PLCH2: variants seen among roughly 807,000 people sequenced by gnomAD.
PLCH2 encodes the protein 1-phosphatidylinositol 4,5-bisphosphate phosphodiesterase eta-2.
Under a neutral mutation model 134.7 loss-of-function variants are expected in PLCH2, and 98 were observed. The observed-to-expected ratio is 0.73, with a 90% CI of 0.62 to 0.86. The LOEUF (loss-of-function observed/expected upper bound fraction) is 0.86, where lower values mean the gene tolerates loss of function less well. Among genes scored for constraint, PLCH2 ranks in the 40% least tolerant of loss-of-function variants. PLCH2 has a pLI of 0.00. For synonymous variants in PLCH2, 974 were observed against 827.5 expected (o/e 1.18, Z -3.04); for missense variants, 1,994 against 1,986.6 (o/e 1.00, Z -0.07).
intron 4 of PLCH2, among the ~76,000 whole-genome samples, chr1:2,484,106 C>T (rs114856389): frequency 0.027 from 4,091 of 151,064 alleles, 111 homozygotes; most frequent in African/African-American, 0.056. Flanking sequence ...GAGGTGTTGA[C>T]TCCTGCGTGG....
At chr1:2,467,636 C>T in exon 1 of PLCH2, 1 of 412,800 alleles carries the variant, frequency 2.4e-6, no homozygotes, top group Non-Finnish European at 4.3e-6. Context: ...GAGCCTGGGC[C>T]CCCAGGTGGG....
Position 2,478,601 on chromosome 1 carries a change from C to T in PLCH2, c.250C>T (p.Arg84Cys), listed in dbSNP as rs767901273. The change falls in exon 2 of 22, where the codon CGC (arginine) becomes TGC (cysteine). Residue 84 changes from arginine (R) to cysteine (C), a missense_variant. Physicochemically the swap from Arg to Cys is radical, Grantham distance 180. Around this residue, in one of 2 missense-constraint regions of PLCH2, gnomAD observed 1,094 missense variants for 1,234.3 expected, o/e 0.89. Transcript: ENST00000378486. ...CTCCTGCATCCGCTGGAGGCCCTCA[C>T]GCAAGAACGAGAAGGCCAAGAGTGA... ...HRSCIRWRPS[R>C]KNEKAKISID... is the part of the protein sequence containing the mutation. 13 of 1,610,984 alleles carry T rather than the reference C, an allele frequency of 8.1e-6. No individual in the cohort carries two copies. Among genetic ancestry groups the T allele is most frequent in the South Asian group, 1.1e-5 (1 of 90,680 alleles).
intron 4 of PLCH2, 59 bp from the exon 5 acceptor site, chr1:2,484,389 C>T (rs1558006148): frequency 1.3e-6 from 2 of 1,559,808 alleles, no homozygotes; most frequent in Non-Finnish European, 1.8e-6. Flanking sequence ...CCTGAAGGAC[C>T]CCTGTGCATG....
chr1:2,473,289 C>T (rs746766508), upstream of PLCH2, among the ~76,000 whole-genome samples: 12 of 152,192 alleles, frequency 7.9e-5, no homozygotes, highest in Non-Finnish European at 1.6e-4. Context: ...TCCCAGCAGC[C>T]ACCAGGGCCA....
At chr1:2,462,480 C>G (rs1026057144), upstream of PLCH2, among the ~76,000 whole-genome samples, 1 of 151,576 alleles carries the variant, frequency 6.6e-6, no homozygotes, top group Non-Finnish European at 1.5e-5. Context: ...CCTGACACCC[C>G]CTCTGCCTGA....
chr1:2,424,589 A>G (rs541210218), upstream of PLCH2, among the ~76,000 whole-genome samples: 2 of 152,312 alleles, frequency 1.3e-5, no homozygotes, highest in East Asian at 3.9e-4. Flanking sequence ...GGTGGCTCAC[A>G]GCTATAATCC....
At position 2,478,081 on chromosome 1, in the gene PLCH2, C is replaced by T. The variant is rs552325793; in HGVS notation, c.125-395C>T. Among the ~76,000 whole-genome samples, 86 of 152,368 alleles carry T rather than the reference C, an allele frequency of 5.6e-4. 1 individual carries two copies. Among genetic ancestry groups the T allele is most frequent in the Non-Finnish European group, 1.0e-3 (70 of 68,030 alleles). On this transcript the variant is annotated intron_variant, in intron 1 of 21. Transcript: ENST00000378486. ...CCATTGTTGAGTTCTGTGCTGGCTC[C>T]GTCTGAGTGGTAGCTCTCGGGGCCC...
chr1:2,491,309 T>A lies in PLCH2; in HGVS notation c.1633T>A (p.Ser545Thr), dbSNP rs368445617. The change falls in exon 11 of 22, where the codon TCC becomes ACC. Residue 545 changes from serine (S) to threonine (T), a missense_variant. Physicochemically the swap from Ser to Thr is moderately conservative, Grantham distance 58. Coordinates refer to ENST00000378486, the MANE Select transcript of PLCH2 (RefSeq NM_014638.4). ...DPNNFSVSTL[S>T]PSGKLGRKSK... ...CAACAACTTCTCCGTCTCCACACTG[T>A]CCCCATCTGGAAAGCTCGGACGCAA... The A allele has an allele frequency of 8.3e-5, 134 of 1,612,996 alleles. No homozygotes were observed. The highest frequency in any genetic ancestry group is 1.1e-4 in the Non-Finnish European group (126 of 1,179,834).
chr1:2,486,282 G>A (rs1286727308), intron 5 of PLCH2, among the ~76,000 whole-genome samples: 1 of 152,174 alleles, frequency 6.6e-6, no homozygotes, highest in African/African-American at 2.4e-5. Flanking sequence ...CTGGCCTCCT[G>A]GTTGCTGGGC....
Position 2,459,314 on chromosome 1 carries a change from T to TGGTGGTCCTCCTTGCC in PLCH2, c.116-19149_116-19148insGCCGGTGGTCCTCCTT, listed in dbSNP as rs1640654703. ...CTTCCTTGCCAGTGGTCCTCCTTCCTGGTGGTCCTCCTTCCTGGTGGTCCT... is the reference window on the plus strand; with the variant it reads ...CTTCCTTGCCAGTGGTCCTCCTTCCTGGTGGTCCTCCTTGCCGGTGGTCCTCCTTCCTGGTGGTCCT... On this transcript the variant is annotated intron_variant, in intron 2 of 3. Transcript: ENST00000609981. 2.1e-5 allele frequency among the ~76,000 whole-genome samples: 3 copies of TGGTGGTCCTCCTTGCC among 141,818 alleles called. No homozygotes were observed. The South Asian group carries it at 6.6e-4, about 31-fold the overall frequency. The allele number at this position is 141,818 out of a possible 152,430, so 93.0% of individuals were successfully genotyped here.
At chr1:2,482,391 C>T (rs1238864315) in intron 4 of PLCH2, among the ~76,000 whole-genome samples, 3 of 152,234 alleles carry the variant, frequency 2.0e-5, no homozygotes, top group Non-Finnish European at 4.4e-5. Flanking sequence ...TGCAGTGTGT[C>T]CCCTCATGGC....
chr1:2,502,426 G>A lies in PLCH2; in HGVS notation c.2959+17G>A, dbSNP rs539454703. 767 of 1,543,808 alleles carry A rather than the reference G, an allele frequency of 5.0e-4. 2 individuals carry two copies. Among genetic ancestry groups the A allele is most frequent in the Non-Finnish European group, 5.9e-4 (681 of 1,145,810 alleles). On this transcript the variant is annotated intron_variant, in intron 21 of 21. Transcript: ENST00000378486. ...GCCCCCGAGGTAAGGCGCCAGCTGC[G>A]GTGGCAGAGAAGAGCCCTGTGCGAG...
intron 2 of PLCH2, among the ~76,000 whole-genome samples, chr1:2,435,672 G>A (rs1639295223): frequency 6.6e-6 from 1 of 152,114 alleles, no homozygotes; most frequent in Admixed American, 6.5e-5. Flanking sequence ...GGCCTGTTGT[G>A]ATCTCCAGGA....
the PLCH2 span, among the ~76,000 whole-genome samples, chr1:2,417,567 C>T: frequency 2.0e-5 from 3 of 152,306 alleles, no homozygotes; most frequent in East Asian, 3.9e-4. Context: ...GCTGGAATGG[C>T]GTCCACTCTG....
At chr1:2,459,570 CGG>C (rs1640698351) in intron 2 of PLCH2, among the ~76,000 whole-genome samples, 1 of 114,502 alleles carries the variant, frequency 8.7e-6, no homozygotes, top group African/African-American at 4.0e-5. Context: ...TCCTCCTTGC[CGG>C]TGGTCCTCCT....
At chr1:2,456,072 A>G (rs1640476204) in intron 2 of PLCH2, among the ~76,000 whole-genome samples, 1 of 152,254 alleles carries the variant, frequency 6.6e-6, no homozygotes, top group African/African-American at 2.4e-5. Context: ...TTGTAAGGAA[A>G]CAGCGTCGCC....
At chr1:2,494,639 G>C (rs779504744) in intron 11 of PLCH2, among the ~76,000 whole-genome samples, 1 of 152,154 alleles carries the variant, frequency 6.6e-6, no homozygotes, top group Non-Finnish European at 1.5e-5. Flanking sequence ...GCTTCTCCTC[G>C]GCAGCTGCCT....
In PLCH2 at chr1:2,483,057, C is replaced by A. The variant is rs572370809; in HGVS notation, c.646-1391C>A. On this transcript the variant is annotated intron_variant, in intron 4 of 21. Transcript: ENST00000378486. ...TGTGGGCTCTGGGAAGAGGACCCAG[C>A]GGGGCTTGTCTGGAAGCCCAAATCA... 3.1e-4 allele frequency among the ~76,000 whole-genome samples: 47 copies of A among 152,290 alleles called. 1 individual carries two copies. The South Asian group carries it at 7.7e-3, about 25-fold the overall frequency.
intron 1 of PLCH2, among the ~76,000 whole-genome samples, chr1:2,468,949 C>T (rs1641198667): frequency 6.6e-6 from 1 of 152,144 alleles, no homozygotes; most frequent in Admixed American, 6.5e-5. Flanking sequence ...TCCAGGGTGC[C>T]TGTCCCCTCC....
Sources: allele counts gnomAD v4.1 joint callset (sites outside exome capture counted in the v4.1 genomes callset), GRCh38; gene constraint gnomAD v4.1.1; regional missense constraint gnomAD v4.1.1; transcripts MANE v1.5; gene names NCBI Gene and HGNC (gene_info 2026-07-23, HGNC 2026-07-21).